The following UBA1 variants were observed in gnomAD, a reference collection of about 807,000 sequenced individuals.
UBA1 encodes ubiquitin-like modifier-activating enzyme 1.
In UBA1, 4 loss-of-function variants were observed where a neutral mutation model predicts 84.7. The ratio of observed to expected loss-of-function variants is 0.05; its 90% CI spans 0.02 to 0.11. The LOEUF is 0.11. Among genes scored for constraint, UBA1 ranks in the 10% least tolerant of loss-of-function variants. The pLI is 1.00. For missense variants in UBA1, 513 were observed against 902.8 expected (o/e 0.57, Z 5.53); for synonymous variants, 364 against 362.6 (o/e 1.00, Z -0.04).
intron 1 of UBA1, chrX:47,197,415 G>A: frequency 1.3e-6 from 1 of 754,839 alleles, no homozygotes; most frequent in African/African-American, 2.3e-5. Flanking sequence ...TTGTCATTGT[G>A]GTTGGTGCTA....
At position 47,202,684 on chromosome X, in the gene UBA1, G is replaced by A. The variant is rs1261345480; in HGVS notation, c.1103G>A (p.Arg368Gln). 10 of 1,210,904 alleles carry A rather than the reference G, an allele frequency of 8.3e-6. No homozygotes were observed. The highest frequency in any genetic ancestry group is 1.8e-5 in the South Asian group (1 of 56,859). ...LVALAQAVNA[R>Q]ALPAVQQNNL... ...GCCTTAGCACAGGCTGTGAATGCTC[G>A]AGCCCTGCCAGCAGTGCAGCAAAAT... is the stretch of plus-strand genomic sequence containing the variant. Residue 368 changes from arginine to glutamine, a missense_variant, in exon 11 of 26, where the codon CGA becomes CAA. Around this residue, in one of 6 missense-constraint regions of UBA1, gnomAD observed 227 missense variants for 339.1 expected, o/e 0.67. Coordinates refer to ENST00000335972, the MANE Select transcript of UBA1 (RefSeq NM_003334.4).
Position 47,199,325 on chromosome X carries a change from C to T in UBA1, c.293C>T (p.Ala98Val), listed in dbSNP as rs1936316646. 8.2e-7 allele frequency: 1 copy of T among 1,212,172 alleles called. No individual in the cohort carries two copies. The highest frequency in any genetic ancestry group is 1.7e-5 in the African/African-American group (1 of 57,921). Residue 98 changes from alanine (A) to valine (V), a missense_variant, in exon 4 of 26, where the codon GCT becomes GTT. Physicochemically the swap from Ala to Val is moderately conservative, Grantham distance 64 (BLOSUM62 0). Coordinates refer to ENST00000335972, the MANE Select transcript of UBA1 (RefSeq NM_003334.4). ...AACATCATCCTTGGTGGGGTCAAGG[C>T]TGTTACCCTACATGACCAGGGCACT... Reference protein sequence around the residue: ...AKNIILGGVKAVTLHDQGTAQ... With the variant: ...AKNIILGGVKVVTLHDQGTAQ...
At chrX:47,211,484 G>A (rs1214627520) in intron 20 of UBA1, among the ~76,000 whole-genome samples, 1 of 111,529 alleles carries the variant, frequency 9.0e-6, no homozygotes, top group Non-Finnish European at 1.9e-5. Context: ...ATTTCCCTTA[G>A]TTTTGTTCTT....
chrX:47,209,456 G>C (rs1297641333), intron 16 of UBA1, 167 bp from the exon 17 acceptor site: 1 of 539,643 alleles, frequency 1.9e-6, no homozygotes, highest in African/African-American at 2.3e-5. Context: ...GCCTGGCCTG[G>C]TTTTTCAATT....
chrX:47,215,064 C>T lies in UBA1; in HGVS notation c.*135C>T. On this transcript the variant is annotated 3_prime_UTR_variant, in exon 26 of 26. Coordinates refer to ENST00000335972, the MANE Select transcript of UBA1 (RefSeq NM_003334.4). ...TCCCTCATCATCCCCCTACCTGAACCCCTCTTGCCACTGCCTTCTACCTTG... is the reference window on the plus strand; with the variant it reads ...TCCCTCATCATCCCCCTACCTGAACTCCTCTTGCCACTGCCTTCTACCTTG... The T allele has an allele frequency of 1.1e-6, 1 of 921,278 alleles. No individual in the cohort carries two copies. The highest frequency in any genetic ancestry group is 1.5e-6 in the Non-Finnish European group (1 of 648,257). 75.9% of individuals were successfully genotyped at this position (921,278 alleles called of 1,213,427 possible).
intron 1 of UBA1, among the ~76,000 whole-genome samples, chrX:47,195,569 AC>A (rs1393497509): frequency 1.8e-5 from 2 of 110,487 alleles, no homozygotes; most frequent in African/African-American, 6.6e-5. Flanking sequence ...CTTGTTTTCT[AC>A]TGCAGTAGAA....
chrX:47,200,819 C>T, intron 5 of UBA1, 75 bp from the exon 6 acceptor site: 1 of 839,443 alleles, frequency 1.2e-6, no homozygotes. Context: ...TGAGGACTGC[C>T]TGAGTCCTCC....
chrX:47,205,316 T>G, intron 14 of UBA1: 6 of 288,739 alleles, frequency 2.1e-5, no homozygotes, highest in South Asian at 1.7e-4. Context: ...CTGGTGGTGG[T>G]TGGGGGAGTC....
At chrX:47,210,658 AG>A (rs1936877968) in intron 18 of UBA1, among the ~76,000 whole-genome samples, 183 bp from the exon 19 acceptor site, 1 of 111,744 alleles carries the variant, frequency 8.9e-6, no homozygotes, top group Admixed American at 9.4e-5. Context: ...TCTCTCAGCC[AG>A]ATCTCTGGTT....
intron 20 of UBA1, among the ~76,000 whole-genome samples, chrX:47,211,552 TCTCC>T (rs1172902436): frequency 2.0e-4 from 22 of 111,022 alleles, no homozygotes; most frequent in Admixed American, 1.9e-3. Context: ...CAGCAGTCTC[TCTCC>T]CTTGATACTT....
intron 16 of UBA1, 149 bp from the exon 17 acceptor site, chrX:47,209,474 G>A (rs1556792633): frequency 1.8e-6 from 1 of 553,743 alleles, no homozygotes; most frequent in African/African-American, 2.3e-5. Context: ...ATTGAGGTGG[G>A]GGAATGGGGA....
rs1404424445 is a variant in UBA1, at chrX:47,199,220, G to A, written c.188G>A (p.Gly63Asp). The change falls in exon 4 of 26, where the codon GGC becomes GAC. Residue 63 changes from glycine to aspartate, a missense_variant. Gly to Asp is a moderately conservative substitution (Grantham distance 94). Coordinates refer to ENST00000335972, the MANE Select transcript of UBA1 (RefSeq NM_003334.4). Reference protein sequence around the residue: ...GLYSRQLYVLGHEAMKRLQTS... With the variant: ...GLYSRQLYVLDHEAMKRLQTS... ...CCCTAACCTGGCAGGTATGTGTTGG[G>A]CCATGAGGCAATGAAGCGGCTCCAG... 8.3e-7 allele frequency: 1 copy of A among 1,210,892 alleles called. No homozygotes were observed. Among genetic ancestry groups the A allele is most frequent in the African/African-American group, 1.7e-5 (1 of 57,337 alleles).
rs782778662 is a variant in UBA1, at chrX:47,201,531, C to T, written c.732C>T (p.Ser244=). The change falls in exon 8 of 26, where the codon AGC becomes AGT. Residue 244 remains serine, a synonymous_variant. Transcript: ENST00000335972. ...CLDEARHGFE[S]GDFVSFSEVQ... ...ATGAGGCCCGACACGGGTTTGAGAG[C>T]GGGGACTTTGTCTCCTTTTCAGAAG... 2.1e-5 allele frequency: 26 copies of T among 1,211,683 alleles called. No individual in the cohort carries two copies. Among genetic ancestry groups the T allele is most frequent in the East Asian group, 3.0e-5 (1 of 33,845 alleles).
chrX:47,201,054 G>C, intron 6 of UBA1, 54 bp downstream of exon 6: 1 of 1,069,006 alleles, frequency 9.4e-7, no homozygotes, highest in East Asian at 3.3e-5. Flanking sequence ...CTCCTACCAA[G>C]CCCAGGCCAA....
chrX:47,212,843 C>G lies in UBA1; in HGVS notation c.2626C>G (p.Pro876Ala), dbSNP rs782749176. 3 of 1,209,898 alleles carry G rather than the reference C, an allele frequency of 2.5e-6. No homozygotes were observed. Among genetic ancestry groups the G allele is most frequent in the Non-Finnish European group, 3.4e-6 (3 of 895,047 alleles). The change falls in exon 22 of 26, where the codon CCT (proline) becomes GCT (alanine). Residue 876 changes from proline (P) to alanine (A), a missense_variant. This residue lies in a region of UBA1 where 151 missense variants were observed against 260.1 expected (regional missense o/e 0.58). Transcript: ENST00000335972. ...CCTCCGGGCAGAAAACTATGACATT[C>G]CTTCTGCAGACCGGCACAAGGTGAG... ...SNLRAENYDIPSADRHKSKLI... is the reference protein window; with the variant it reads ...SNLRAENYDIASADRHKSKLI...
At chrX:47,210,198 A>G (rs1307030122) in intron 18 of UBA1, 75 bp downstream of exon 18, 1 of 1,104,966 alleles carries the variant, frequency 9.1e-7, no homozygotes, top group Non-Finnish European at 1.2e-6. Flanking sequence ...GGGTCCTCCC[A>G]CTGTGGAGTC....
chrX:47,214,097 T>C (rs1556794417), intron 23 of UBA1, among the ~76,000 whole-genome samples: 2 of 110,962 alleles, frequency 1.8e-5, no homozygotes, highest in Non-Finnish European at 3.8e-5. Flanking sequence ...CCTGGCAAGT[T>C]GGAGGAATTC....
At position 47,210,861 on chromosome X, in the gene UBA1, C is replaced by A. The variant is rs1936886935; in HGVS notation, c.2219C>A (p.Pro740Gln). 1 of 1,209,484 alleles carries A rather than the reference C, an allele frequency of 8.3e-7. No homozygotes were observed. The highest frequency in any genetic ancestry group is 2.2e-5 in the Admixed American group (1 of 45,740). Reference protein sequence around the residue: ...PPDQLTSSGAPFWSGPKRCPH... With the variant: ...PPDQLTSSGAQFWSGPKRCPH... ...CCTTAGCTCACAAGCTCAGGAGCGC[C>A]GTTCTGGTCTGGGCCCAAACGCTGT... is the stretch of plus-strand genomic sequence containing the variant. Residue 740 changes from proline to glutamine, a missense_variant, in exon 19 of 26, where the codon CCG (proline) becomes CAG (glutamine). This residue lies in a region of UBA1 where 40 missense variants were observed against 138.3 expected (regional missense o/e 0.29). Coordinates refer to ENST00000335972, the MANE Select transcript of UBA1 (RefSeq NM_003334.4).
chrX:47,208,361 G>A (rs1322307136), intron 16 of UBA1, among the ~76,000 whole-genome samples: 2 of 111,540 alleles, frequency 1.8e-5, no homozygotes, highest in East Asian at 2.8e-4. Context: ...ACGCGTGCCC[G>A]TTACGTTGAC....
Sources: allele counts gnomAD v4.1 joint callset (sites outside exome capture counted in the v4.1 genomes callset), GRCh38; gene constraint gnomAD v4.1.1; regional missense constraint gnomAD v4.1.1; transcripts MANE v1.5; gene names NCBI Gene and HGNC (gene_info 2026-07-23, HGNC 2026-07-21).